Variants in PTPDC1 observed in about 807,000 individuals in gnomAD.
PTPDC1 encodes the protein protein tyrosine phosphatase domain containing 1, also known as protein tyrosine phosphatase domain-containing protein 1.
In PTPDC1, 53 loss-of-function variants were observed where a neutral mutation model predicts 75.3. The ratio of observed to expected loss-of-function variants is 0.70; its 90% CI spans 0.56 to 0.88. The LOEUF (loss-of-function observed/expected upper bound fraction) is 0.88. Among genes scored for constraint, PTPDC1 ranks in the 40% least tolerant of loss-of-function variants. PTPDC1 has a pLI of 0.00. For synonymous variants in PTPDC1, 349 were observed against 366.2 expected (o/e 0.95, Z 0.54); for missense variants, 925 against 998.6 (o/e 0.93, Z 0.99).
At chr9:94,037,661 A>T (rs994975530) in intron 1 of PTPDC1, among the ~76,000 whole-genome samples, 1 of 152,188 alleles carries the variant, frequency 6.6e-6, no homozygotes, top group African/African-American at 2.4e-5. Context: ...GGATAAATTC[A>T]GAAACCCAAA....
At chr9:94,068,291 C>T (rs1246297975) in intron 2 of PTPDC1, among the ~76,000 whole-genome samples, 5 of 152,132 alleles carry the variant, frequency 3.3e-5, no homozygotes, top group South Asian at 2.1e-4. Context: ...CAATAATATC[C>T]TTTAATAGGA....
At position 94,106,676 on chromosome 9, in the gene PTPDC1, G is replaced by T. The variant is rs183052981; in HGVS notation, c.2311-1152G>T. Among the ~76,000 whole-genome samples the T allele has an allele frequency of 3.9e-4, 60 of 152,306 alleles. 2 individuals carry two copies. The East Asian group carries it at 9.5e-3, about 24-fold the overall frequency. On this transcript the variant is annotated intron_variant, in intron 8 of 8. Transcript: ENST00000620992. ...CAGATCCTTTACAGTTGTTGACAGAGGGAACAACCTTTCATTTGTCAAAAT... is the reference window on the plus strand; with the variant it reads ...CAGATCCTTTACAGTTGTTGACAGATGGAACAACCTTTCATTTGTCAAAAT...
intron 2 of PTPDC1, among the ~76,000 whole-genome samples, chr9:94,065,228 G>A (rs985683604): frequency 5.3e-5 from 8 of 152,124 alleles, no homozygotes; most frequent in Non-Finnish European, 1.0e-4. Context: ...CTTTTTATAT[G>A]ACACCCCAGG....
intron 4 of PTPDC1, 92 bp from the exon 5 acceptor site, chr9:94,095,225 G>A (rs2118047506): frequency 1.1e-6 from 1 of 928,290 alleles, no homozygotes; most frequent in Non-Finnish European, 1.7e-6. Flanking sequence ...ACATGCCTCA[G>A]TCTCAGTGTA....
intron 1 of PTPDC1, 67 bp downstream of exon 1, chr9:94,084,841 T>G (rs896924319): frequency 8.6e-7 from 1 of 1,162,238 alleles, no homozygotes; most frequent in Admixed American, 2.4e-5. Context: ...TCAGCTGTGT[T>G]GTGTTTATAC....
intron 1 of PTPDC1, among the ~76,000 whole-genome samples, chr9:94,060,180 A>T (rs1294905136): frequency 2.0e-5 from 3 of 152,218 alleles, no homozygotes; most frequent in Non-Finnish European, 4.4e-5. Context: ...CTAGCTTTAG[A>T]TATATGGAAG....
chr9:94,104,800 G>C (rs1827960289), intron 8 of PTPDC1, among the ~76,000 whole-genome samples: 1 of 152,112 alleles, frequency 6.6e-6, no homozygotes, highest in African/African-American at 2.4e-5. Flanking sequence ...ATTCAGTACT[G>C]AGTCCTGGTT....
upstream of PTPDC1, among the ~76,000 whole-genome samples, chr9:94,080,842 A>G (rs1379439573): frequency 6.6e-6 from 1 of 152,186 alleles, no homozygotes; most frequent in African/African-American, 2.4e-5. Context: ...GGCAAGTAGT[A>G]ATATCTCAAC....
At chr9:94,094,920 C>T (rs12341059) in intron 4 of PTPDC1, among the ~76,000 whole-genome samples, 25,530 of 152,286 alleles carry the variant, frequency 0.17, 2,726 homozygotes, top group East Asian at 0.25. Context: ...GAGGCAGTGC[C>T]TCGCCCTGCT....
chr9:94,093,830 C>T (rs1827425166), intron 4 of PTPDC1, among the ~76,000 whole-genome samples: 2 of 147,186 alleles, frequency 1.4e-5, no homozygotes, highest in South Asian at 4.5e-4. Flanking sequence ...TCATTTCATT[C>T]ATTTCATCTT....
intron 1 of PTPDC1, among the ~76,000 whole-genome samples, chr9:94,046,129 A>G (rs1237421962): frequency 6.6e-6 from 1 of 152,086 alleles, no homozygotes; most frequent in Non-Finnish European, 1.5e-5. Flanking sequence ...TGTTTTTGTC[A>G]GGTTTGTCAA....
At chr9:94,034,148 A>G (rs1320591471) in intron 1 of PTPDC1, among the ~76,000 whole-genome samples, 1 of 152,206 alleles carries the variant, frequency 6.6e-6, no homozygotes, top group Non-Finnish European at 1.5e-5. Flanking sequence ...TATGTTCCTC[A>G]CTGAGTTTAA....
intron 1 of PTPDC1, among the ~76,000 whole-genome samples, chr9:94,035,856 T>C (rs543352404): frequency 2.0e-5 from 3 of 152,228 alleles, no homozygotes; most frequent in African/African-American, 7.2e-5. Context: ...GACTTACTGG[T>C]AATGCCATCC....
At chr9:94,092,750 T>G (rs1827375888) in intron 4 of PTPDC1, among the ~76,000 whole-genome samples, 1 of 147,430 alleles carries the variant, frequency 6.8e-6, no homozygotes, top group Admixed American at 6.8e-5. Flanking sequence ...AGGACTTGCT[T>G]TATGAATCTT....
At position 94,043,156 on chromosome 9, in the gene PTPDC1, C is replaced by T. The variant is rs190589108; in HGVS notation, c.-7+12029C>T. ...ACTCCTGTTAATGTTGGTATTTTGA[C>T]CTCCTCCCATGAATTGCAAATGTCC... is the stretch of plus-strand genomic sequence containing the variant. On this transcript the variant is annotated intron_variant, in intron 1 of 9. Coordinates refer to the PTPDC1 transcript ENST00000375360. Among the ~76,000 whole-genome samples, 552 of 152,292 alleles carry T rather than the reference C, an allele frequency of 3.6e-3. 13 individuals are homozygous for T. Among genetic ancestry groups the T allele is most frequent in the Non-Finnish European group, 6.3e-4 (43 of 68,030 alleles).
At chr9:94,046,270 A>T (rs1825596020) in intron 1 of PTPDC1, among the ~76,000 whole-genome samples, 1 of 152,198 alleles carries the variant, frequency 6.6e-6, no homozygotes, top group African/African-American at 2.4e-5. Context: ...GTTTGAAGTC[A>T]GGTAGCATGA....
rs551056249 is a variant in PTPDC1, at chr9:94,093,645, G to T, written c.617-1672G>T. ...AACATTGGCCTGCCTTGCTAGATTG[G>T]GGAAGTTCTCCTGGATAATATCCTG... On this transcript the variant is annotated intron_variant, in intron 4 of 8. Transcript: ENST00000620992. 3.3e-5 allele frequency among the ~76,000 whole-genome samples: 5 copies of T among 150,534 alleles called. No individual in the cohort carries two copies. The South Asian group carries it at 1.1e-3, about 32-fold the overall frequency.
chr9:94,059,447 T>C (rs1826061504), intron 1 of PTPDC1, among the ~76,000 whole-genome samples: 1 of 152,188 alleles, frequency 6.6e-6, no homozygotes, highest in African/African-American at 2.4e-5. Flanking sequence ...AACAAGAGAT[T>C]GGTTAGAGGA....
At chr9:94,094,680 C>G (rs1407685296) in intron 4 of PTPDC1, among the ~76,000 whole-genome samples, 1 of 152,228 alleles carries the variant, frequency 6.6e-6, no homozygotes, top group South Asian at 2.1e-4. Context: ...CCCAGCCTTG[C>G]TGCCGCCTTG....
Sources: gnomAD v4.1 joint callset for allele counts (sites outside exome capture counted in the v4.1 genomes callset) on GRCh38, gnomAD v4.1.1 for gene constraint, MANE v1.5 for transcripts, NCBI Gene and HGNC (gene_info 2026-07-23, HGNC 2026-07-21) for gene names.